The following ANKRD20A1 variants were observed in gnomAD, a reference collection of about 807,000 sequenced individuals.
ANKRD20A1 encodes the protein ankyrin repeat domain 20 family member A1.
ANKRD20A1 carries 2 observed loss-of-function variants against 50.9 expected under a neutral mutation model. The observed-to-expected ratio is 0.04, with a 90% confidence interval of 0.02 to 0.12. The LOEUF (loss-of-function observed/expected upper bound fraction) is 0.12, where lower values mean the gene tolerates loss of function less well. Among genes scored for constraint, ANKRD20A1 ranks in the 10% least tolerant of loss-of-function variants. ANKRD20A1 has a pLI of 1.00. For synonymous variants in ANKRD20A1, 10 were observed against 186.2 expected (o/e 0.05, Z 7.70); for missense variants, 31 against 548.1 (o/e 0.06, Z 9.42).
At chr9:67,882,594 T>TC (rs1476936910) in intron 8 of ANKRD20A1, among the ~76,000 whole-genome samples, 2 of 149,910 alleles carry the variant, frequency 1.3e-5, no homozygotes, top group African/African-American at 4.9e-5. Flanking sequence ...TTTTATTAGC[T>TC]CCAACTCATG....
chr9:67,860,977 C>T lies in ANKRD20A1; in HGVS notation c.203+1348C>T, dbSNP rs1316877865. ...AAAAATTAGTTAAATTATACATACA[C>T]AAACATACTATGGTCTTGTTTTAGC... On this transcript the variant is annotated intron_variant, in intron 1 of 14. Transcript: ENST00000562196. 3.4e-4 allele frequency among the ~76,000 whole-genome samples: 16 copies of T among 47,514 alleles called. 7 individuals are homozygous for T. 31.2% of individuals were successfully genotyped at this position (47,514 alleles called of 152,430 possible). A position where few individuals can be genotyped will look rare whatever the true frequency, so the allele number is the denominator to read the frequency against.
intron 11 of ANKRD20A1, among the ~76,000 whole-genome samples, chr9:67,889,061 G>A (rs1466445066): frequency 1.3e-3 from 189 of 147,126 alleles, no homozygotes; most frequent in South Asian, 6.2e-3. Flanking sequence ...CTGCCTCTCG[G>A]GTTCAAGCAA....
intron 11 of ANKRD20A1, among the ~76,000 whole-genome samples, chr9:67,890,877 T>C (rs1248353334): frequency 1.5e-5 from 2 of 136,616 alleles, no homozygotes; most frequent in African/African-American, 2.8e-5. Context: ...CAAAACATGA[T>C]GATAATCTTC....
rs766396746 is a variant in ANKRD20A1 at position 67,899,135 on chromosome 9, CTT to C, written c.1317-10_1317-9del. The C allele has an allele frequency of 8.4e-5, 54 of 644,142 alleles. 20 individuals carry two copies. The highest frequency in any genetic ancestry group is 1.6e-4 in the Admixed American group (2 of 12,446). 39.9% of individuals were successfully genotyped at this position (644,142 alleles called of 1,614,324 possible). Reference sequence around the variant, plus strand: ...ACAAAATGAATTTTAAGACAAATGTCTTTATCTGCAGATGCACCTTAAAACAA... The same window carrying C: ...ACAAAATGAATTTTAAGACAAATGTCTATCTGCAGATGCACCTTAAAACAA... On this transcript the variant is annotated splice_polypyrimidine_tract_variant and intron_variant, in intron 13 of 14. Coordinates refer to ENST00000562196, the MANE Select transcript of ANKRD20A1 (RefSeq NM_032250.5).
intron 11 of ANKRD20A1, among the ~76,000 whole-genome samples, chr9:67,890,644 A>G (rs374945659): frequency 6.6e-6 from 1 of 150,790 alleles, no homozygotes. Context: ...GAAGAGCTGT[A>G]TCATTTAAAG....
chr9:67,898,494 A>G (rs1457100902), intron 13 of ANKRD20A1, among the ~76,000 whole-genome samples: 2 of 123,984 alleles, frequency 1.6e-5, no homozygotes, highest in Non-Finnish European at 3.6e-5. Context: ...AACATGCATT[A>G]ATTATATATT....
intron 4 of ANKRD20A1, among the ~76,000 whole-genome samples, 195 bp downstream of exon 4, chr9:67,867,578 T>C (rs1234862893): frequency 1.3e-5 from 2 of 152,278 alleles, no homozygotes; most frequent in Non-Finnish European, 2.9e-5. Flanking sequence ...TCTTCTCTTA[T>C]AATATACAGT....
chr9:67,881,046 A>G (rs1827785278), intron 8 of ANKRD20A1, among the ~76,000 whole-genome samples: 1 of 146,002 alleles, frequency 6.8e-6, no homozygotes, highest in African/African-American at 2.5e-5. Flanking sequence ...TTATTTTGGT[A>G]TCATATTGTT....
intron 9 of ANKRD20A1, among the ~76,000 whole-genome samples, chr9:67,885,213 G>A (rs1827859435): frequency 6.6e-6 from 1 of 152,256 alleles, no homozygotes; most frequent in South Asian, 2.1e-4. Context: ...ATATGCAGAG[G>A]CAAGTAAGAG....
intron 3 of ANKRD20A1, among the ~76,000 whole-genome samples, chr9:67,865,662 T>C (rs1159558468): frequency 1.5e-5 from 2 of 134,730 alleles, no homozygotes; most frequent in African/African-American, 2.7e-5. Flanking sequence ...TCAAATCTGG[T>C]GTCCCCTGAG....
In ANKRD20A1 at chr9:67,883,105, ATG is replaced by A. The variant is rs1827826135; in HGVS notation, c.895-1377_895-1376del. ...AGTGCCGCAGTAAACATACGTGTGC[ATG>A]TGTCTTTATAGCAGCATGATTTATA... On this transcript the variant is annotated intron_variant, in intron 8 of 14. Transcript: ENST00000562196. Among the ~76,000 whole-genome samples, 5 of 151,342 alleles carry A rather than the reference ATG, an allele frequency of 3.3e-5. No individual in the cohort carries two copies. The Admixed American group carries it at 3.3e-4, about 10-fold the overall frequency.
chr9:67,872,650 C>A (rs1435336812), intron 6 of ANKRD20A1, among the ~76,000 whole-genome samples: 1 of 139,058 alleles, frequency 7.2e-6, no homozygotes, highest in Non-Finnish European at 1.6e-5. Flanking sequence ...TCCAGTTATA[C>A]AATTTACTTG....
intron 9 of ANKRD20A1, among the ~76,000 whole-genome samples, chr9:67,885,361 C>T (rs1228115506): frequency 5.6e-3 from 846 of 151,360 alleles, no homozygotes; most frequent in African/African-American, 0.02. Flanking sequence ...CTGTCATCCT[C>T]ACTACTGGGG....
intron 12 of ANKRD20A1, among the ~76,000 whole-genome samples, chr9:67,897,042 CAAA>C (rs1175792757): frequency 2.3e-5 from 1 of 44,076 alleles, no homozygotes. Context: ...TCACAGGATT[CAAA>C]AAAAAAAAAA....
intron 5 of ANKRD20A1, 66 bp from the exon 6 acceptor site, chr9:67,871,091 G>C (rs1461413075): frequency 8.9e-7 from 1 of 1,119,274 alleles, no homozygotes; most frequent in Admixed American, 2.3e-5. Flanking sequence ...AATTTAATAT[G>C]TTTGGTGAAT....
intron 8 of ANKRD20A1, among the ~76,000 whole-genome samples, chr9:67,883,399 A>AT (rs1178342719): frequency 1.1e-5 from 1 of 91,456 alleles, no homozygotes; most frequent in African/African-American, 4.0e-5. Flanking sequence ...GATGATGAGC[A>AT]TTTTTTCATG....
chr9:67,879,689 G>GT (rs1218057587), intron 7 of ANKRD20A1, among the ~76,000 whole-genome samples: 2 of 32,486 alleles, frequency 6.2e-5, no homozygotes, highest in Admixed American at 4.8e-4. Context: ...CCAGGACTCT[G>GT]TTTTTTTCTG....
At chr9:67,883,200 A>G (rs1480948429) in intron 8 of ANKRD20A1, among the ~76,000 whole-genome samples, 2 of 150,838 alleles carry the variant, frequency 1.3e-5, no homozygotes, top group Non-Finnish European at 2.9e-5. Flanking sequence ...TAGATCCTTG[A>G]GGAATCACCA....
rs1231532331 is a variant in ANKRD20A1, at chr9:67,860,084, G to A, written c.203+455G>A. Reference sequence around the variant, plus strand: ...CTTTTTTTTTTTTTTTTGAGTCAGAGTCTCGCTTCTTTGCCCAGGCTGGTG... The same window carrying A: ...CTTTTTTTTTTTTTTTTGAGTCAGAATCTCGCTTCTTTGCCCAGGCTGGTG... On this transcript the variant is annotated intron_variant, in intron 1 of 14. Transcript: ENST00000562196. Among the ~76,000 whole-genome samples the A allele has an allele frequency of 6.3e-5, 2 of 31,644 alleles. 1 individual carries two copies. The highest frequency in any genetic ancestry group is 1.1e-4 in the Non-Finnish European group (2 of 17,696). The allele number at this position is 31,644 out of a possible 152,430, so 20.8% of individuals were successfully genotyped here. A position where few individuals can be genotyped will look rare whatever the true frequency, so the allele number is the denominator to read the frequency against.
Sources: allele counts gnomAD v4.1 joint callset (sites outside exome capture counted in the v4.1 genomes callset), GRCh38; gene constraint gnomAD v4.1.1; transcripts MANE v1.5; gene names NCBI Gene and HGNC (gene_info 2026-07-23, HGNC 2026-07-21).